RABGAP1L: variants seen among roughly 807,000 people sequenced by gnomAD.
RABGAP1L encodes the protein rab GTPase-activating protein 1-like.
RABGAP1L carries 63 observed loss-of-function variants against 137.7 expected under a neutral mutation model. The observed-to-expected ratio is 0.46, with a 90% CI of 0.37 to 0.56. RABGAP1L has a LOEUF of 0.56. Ranked by LOEUF, RABGAP1L falls within the 20% of genes least tolerant of loss-of-function variation. RABGAP1L has a pLI of 0.00. For synonymous variants in RABGAP1L, 431 were observed against 433.7 expected (o/e 0.99, Z 0.08); for missense variants, 1,095 against 1,244.0 (o/e 0.88, Z 1.80).
intron 17 of RABGAP1L, among the ~76,000 whole-genome samples, chr1:174,730,264 G>T (rs1452163761): frequency 6.6e-6 from 1 of 152,082 alleles, no homozygotes; most frequent in Non-Finnish European, 1.5e-5. Flanking sequence ...ACTACTCAGG[G>T]ACATAAAGAT....
chr1:174,288,298 A>G (rs192571099), intron 10 of RABGAP1L, among the ~76,000 whole-genome samples: 2 of 152,316 alleles, frequency 1.3e-5, no homozygotes, highest in African/African-American at 2.4e-5. Flanking sequence ...TGCTTTTACC[A>G]GTGAGTTTTA....
intron 13 of RABGAP1L, among the ~76,000 whole-genome samples, chr1:174,430,155 C>T (rs747955508): frequency 1.4e-4 from 21 of 152,014 alleles, no homozygotes; most frequent in Non-Finnish European, 7.4e-5. Flanking sequence ...GAGGCCGAGG[C>T]GGGCAGTTTG....
chr1:174,968,460 A>C (rs969809604), intron 20 of RABGAP1L, among the ~76,000 whole-genome samples: 4 of 151,760 alleles, frequency 2.6e-5, no homozygotes, highest in African/African-American at 9.7e-5. Context: ...CATAGTGTTT[A>C]GTTAAGGAAA....
chr1:174,609,035 A>G (rs1432671460), intron 13 of RABGAP1L, among the ~76,000 whole-genome samples: 1 of 152,184 alleles, frequency 6.6e-6, no homozygotes, highest in Non-Finnish European at 1.5e-5. Context: ...ATATTTTCAT[A>G]TTGTGAACTA....
chr1:174,161,596 A>G (rs1664465460), intron 1 of RABGAP1L, among the ~76,000 whole-genome samples: 1 of 152,188 alleles, frequency 6.6e-6, no homozygotes, highest in African/African-American at 2.4e-5. Context: ...GGTAGAGCTT[A>G]TATGTGAACA....
At chr1:174,844,402 T>A (rs1693827309) in intron 19 of RABGAP1L, among the ~76,000 whole-genome samples, 4 of 67,974 alleles carry the variant, frequency 5.9e-5, no homozygotes, top group Admixed American at 1.7e-4. Context: ...GATTTTTGTA[T>A]AAGGTGTAAG....
intron 13 of RABGAP1L, among the ~76,000 whole-genome samples, chr1:174,550,909 T>C (rs906020735): frequency 0.18 from 8,338 of 45,690 alleles, 641 homozygotes; most frequent in East Asian, 0.29. Context: ...CACACACATA[T>C]ACACACACAC....
chr1:174,934,087 G>T lies in RABGAP1L; in HGVS notation c.2341-23370G>T, dbSNP rs140306884. ...TTGCAGTTTTCATTTTTGTTTTTTTGTTGTTGTTGTTGTTATTTTGAGATG... is the reference window on the plus strand; with the variant it reads ...TTGCAGTTTTCATTTTTGTTTTTTTTTTGTTGTTGTTGTTATTTTGAGATG... On this transcript the variant is annotated intron_variant, in intron 19 of 25. Coordinates refer to ENST00000681986, the MANE Select transcript of RABGAP1L (RefSeq NM_001366446.1). 6.7e-3 allele frequency among the ~76,000 whole-genome samples: 1,012 copies of T among 150,890 alleles called. 7 individuals are homozygous for T. Among genetic ancestry groups the T allele is most frequent in the Non-Finnish European group, 9.8e-3 (658 of 67,130 alleles).
intron 17 of RABGAP1L, among the ~76,000 whole-genome samples, chr1:174,711,604 A>G (rs937652449): frequency 9.9e-5 from 15 of 152,274 alleles, no homozygotes; most frequent in African/African-American, 3.4e-4. Flanking sequence ...CCACGCTCGA[A>G]TTCTCGCCAG....
rs10636911 is a variant in RABGAP1L at position 174,677,159 on chromosome 1, C to CAAAAAA, written c.1825-6355_1825-6350dup. Among the ~76,000 whole-genome samples, 216 of 126,350 alleles carry CAAAAAA rather than the reference C, an allele frequency of 1.7e-3. 2 individuals carry two copies. The highest frequency in any genetic ancestry group is 9.1e-3 in the South Asian group (39 of 4,264). 82.9% of individuals were successfully genotyped at this position (126,350 alleles called of 152,430 possible). ...CAACATAGTGAGACCCCATCTCTAC[C>CAAAAAA]AAAAAAAAAAAAATTATCCGTGCAT... On this transcript the variant is annotated intron_variant, in intron 14 of 25. Coordinates refer to ENST00000681986, the MANE Select transcript of RABGAP1L (RefSeq NM_001366446.1).
At chr1:174,439,832 G>A (rs577135584) in intron 13 of RABGAP1L, among the ~76,000 whole-genome samples, 1 of 152,334 alleles carries the variant, frequency 6.6e-6, no homozygotes, top group South Asian at 2.1e-4. Context: ...GCACCGCAGT[G>A]TAGGCACTTG....
intron 7 of RABGAP1L, among the ~76,000 whole-genome samples, chr1:174,255,688 C>G (rs1288126804): frequency 1.3e-5 from 2 of 152,156 alleles, no homozygotes; most frequent in African/African-American, 4.8e-5. Flanking sequence ...CAACGCCTGG[C>G]TAATTTTGTA....
chr1:174,430,010 A>G (rs1021228189), intron 13 of RABGAP1L, among the ~76,000 whole-genome samples: 1 of 152,186 alleles, frequency 6.6e-6, no homozygotes, highest in African/African-American at 2.4e-5. Context: ...TTTTTGATAC[A>G]AAGCATGTAA....
chr1:174,378,682 A>G (rs1165970165), intron 12 of RABGAP1L, among the ~76,000 whole-genome samples: 1 of 152,072 alleles, frequency 6.6e-6, no homozygotes, highest in Non-Finnish European at 1.5e-5. Flanking sequence ...GATTCTGGAT[A>G]TCAGTCCTTT....
intron 11 of RABGAP1L, among the ~76,000 whole-genome samples, chr1:174,320,837 G>A (rs1362652100): frequency 1.3e-5 from 2 of 152,122 alleles, no homozygotes; most frequent in Non-Finnish European, 2.9e-5. Flanking sequence ...TGTTCGTAAA[G>A]CATGTGTGTT....
At chr1:174,239,122 C>T (rs993772613) in intron 4 of RABGAP1L, among the ~76,000 whole-genome samples, 8 of 152,296 alleles carry the variant, frequency 5.3e-5, no homozygotes, top group Non-Finnish European at 8.8e-5. Flanking sequence ...CGCCCTGCTT[C>T]GGCTCGCGCA....
intron 1 of RABGAP1L, 31 bp from the exon 2 acceptor site, chr1:174,219,094 T>G (rs1571605806): frequency 2.2e-6 from 2 of 909,614 alleles, no homozygotes; most frequent in South Asian, 4.1e-5. Flanking sequence ...AATCAGTAGG[T>G]TTTTTTTTTT....
At chr1:174,787,616 A>G (rs1333281867) in intron 18 of RABGAP1L, among the ~76,000 whole-genome samples, 2 of 152,226 alleles carry the variant, frequency 1.3e-5, no homozygotes, top group East Asian at 1.9e-4. Context: ...AAGGTAGGAT[A>G]GATCTAGCTT....
intron 1 of RABGAP1L, among the ~76,000 whole-genome samples, chr1:174,207,054 T>A (rs1668560022): frequency 1.3e-5 from 2 of 152,196 alleles, no homozygotes; most frequent in Non-Finnish European, 2.9e-5. Flanking sequence ...CCAGATTTTC[T>A]ATAATGCTGA....
Sources: gnomAD v4.1 joint callset for allele counts (sites outside exome capture counted in the v4.1 genomes callset) on GRCh38, gnomAD v4.1.1 for gene constraint, MANE v1.5 for transcripts, NCBI Gene and HGNC (gene_info 2026-07-23, HGNC 2026-07-21) for gene names.